PLCL1: variants seen among roughly 807,000 people sequenced by gnomAD.
PLCL1 encodes phospholipase C like 1 (inactive).
In PLCL1, 41 loss-of-function variants were observed where a neutral mutation model predicts 84.4. The observed-to-expected ratio is 0.49, with a 90% CI of 0.38 to 0.63. The LOEUF is 0.63. PLCL1 is among the 30% of genes least tolerant of loss of function. The probability of loss-of-function intolerance (pLI) is 0.00; values close to 1 mark genes in which losing one functional copy is unlikely to be tolerated. For synonymous variants in PLCL1, 490 were observed against 488.3 expected (o/e 1.00, Z -0.05); for missense variants, 1,206 against 1,367.8 (o/e 0.88, Z 1.87).
At chr2:197,910,835 A>G (rs1031308547) in intron 1 of PLCL1, among the ~76,000 whole-genome samples, 1 of 152,204 alleles carries the variant, frequency 6.6e-6, no homozygotes, top group African/African-American at 2.4e-5. Flanking sequence ...TACATTTAGT[A>G]TTTACTTCAA....
intron 3 of PLCL1, among the ~76,000 whole-genome samples, chr2:198,099,469 A>G (rs1693279316): frequency 6.6e-6 from 1 of 152,174 alleles, no homozygotes; most frequent in African/African-American, 2.4e-5. Context: ...TGCAGAAAAT[A>G]GAATAAATTT....
At chr2:198,139,687 G>T (rs1694336931) in intron 5 of PLCL1, among the ~76,000 whole-genome samples, 1 of 152,110 alleles carries the variant, frequency 6.6e-6, no homozygotes, top group East Asian at 1.9e-4. Context: ...TTGTTTCAAA[G>T]GGTTGGTTTT....
intron 1 of PLCL1, among the ~76,000 whole-genome samples, chr2:198,018,484 G>A (rs764917317): frequency 7.2e-5 from 11 of 152,184 alleles, no homozygotes; most frequent in Non-Finnish European, 1.3e-4. Flanking sequence ...CCACTGGCTT[G>A]AAATTCTTGC....
intron 5 of PLCL1, among the ~76,000 whole-genome samples, chr2:198,119,484 A>G (rs979950593): frequency 6.6e-6 from 1 of 151,894 alleles, no homozygotes; most frequent in Non-Finnish European, 1.5e-5. Context: ...AATATCAGGC[A>G]GTTTTGGGAT....
At chr2:197,968,954 C>T (rs1689802481) in intron 1 of PLCL1, among the ~76,000 whole-genome samples, 4 of 152,120 alleles carry the variant, frequency 2.6e-5, no homozygotes, top group South Asian at 4.1e-4. Context: ...GGTTAGGAAC[C>T]GGGCCACACA....
At chr2:197,865,529 C>T (rs1559029166) in intron 1 of PLCL1, among the ~76,000 whole-genome samples, 1 of 152,018 alleles carries the variant, frequency 6.6e-6, no homozygotes, top group Non-Finnish European at 1.5e-5. Flanking sequence ...ACCGATATGG[C>T]CGTGAGAGCA....
At chr2:198,088,775 AT>A (rs1559100921) in intron 2 of PLCL1, 82 bp from the exon 3 acceptor site, 1 of 827,016 alleles carries the variant, frequency 1.2e-6, no homozygotes, top group Non-Finnish European at 2.2e-6. Flanking sequence ...TTAAAAATGA[AT>A]GTACTTTTCT....
intron 1 of PLCL1, among the ~76,000 whole-genome samples, chr2:197,935,664 A>G (rs999494575): frequency 3.9e-5 from 6 of 152,144 alleles, no homozygotes; most frequent in Non-Finnish European, 7.4e-5. Flanking sequence ...ATCGGGTACC[A>G]TGCTTATTAC....
intron 1 of PLCL1, among the ~76,000 whole-genome samples, chr2:197,902,019 A>G (rs145684269): frequency 4.8e-4 from 73 of 152,334 alleles, no homozygotes; most frequent in Middle Eastern, 3.4e-3. Flanking sequence ...AAGAAATCAT[A>G]TAAACCCTCA....
chr2:198,055,233 C>G (rs1410105579), intron 1 of PLCL1, among the ~76,000 whole-genome samples: 1 of 150,240 alleles, frequency 6.7e-6, no homozygotes, highest in Non-Finnish European at 1.5e-5. Context: ...AATGCATAAA[C>G]CAATTGATTT....
chr2:198,034,510 T>C (rs1323114539), intron 1 of PLCL1, among the ~76,000 whole-genome samples: 1 of 152,174 alleles, frequency 6.6e-6, no homozygotes, highest in Non-Finnish European at 1.5e-5. Context: ...ATGAAGGAAA[T>C]GTGGCACATA....
At chr2:198,100,136 G>A (rs977157685) in intron 3 of PLCL1, among the ~76,000 whole-genome samples, 10 of 151,940 alleles carry the variant, frequency 6.6e-5, no homozygotes, top group Admixed American at 2.6e-4. Context: ...ACAGAGAGAA[G>A]AAATAAGTAT....
intron 1 of PLCL1, among the ~76,000 whole-genome samples, chr2:198,040,683 A>G (rs930890165): frequency 5.9e-5 from 9 of 152,196 alleles, no homozygotes; most frequent in Non-Finnish European, 1.2e-4. Context: ...AAAGCTTTCC[A>G]TTCTACAGGC....
chr2:198,050,015 A>G (rs754931006), intron 1 of PLCL1, among the ~76,000 whole-genome samples: 16 of 152,228 alleles, frequency 1.1e-4, no homozygotes, highest in Admixed American at 1.0e-3. Flanking sequence ...GGCTTTGGCA[A>G]GGATAAATGC....
At position 198,025,949 on chromosome 2, in the gene PLCL1, A is replaced by G. The variant is rs186504774; in HGVS notation, c.241-57809A>G. On this transcript the variant is annotated intron_variant, in intron 1 of 5. Transcript: ENST00000428675. ...TGGACCAGAGATTTTGTTCAAAATG[A>G]AAACAACATGCAGTTAATCATATTT... Among the ~76,000 whole-genome samples, 462 of 152,360 alleles carry G rather than the reference A, an allele frequency of 3.0e-3. 2 individuals carry two copies. Among genetic ancestry groups the G allele is most frequent in the Non-Finnish European group, 5.5e-3 (376 of 68,026 alleles).
At chr2:198,071,442 G>A (rs1374048564) in intron 1 of PLCL1, among the ~76,000 whole-genome samples, 1 of 151,632 alleles carries the variant, frequency 6.6e-6, no homozygotes, top group Non-Finnish European at 1.5e-5. Flanking sequence ...CAGAAAAGTT[G>A]TACAAGTTTA....
intron 1 of PLCL1, among the ~76,000 whole-genome samples, chr2:197,835,585 G>C (rs1323589852): frequency 1.3e-5 from 2 of 152,256 alleles, no homozygotes; most frequent in Admixed American, 1.3e-4. Context: ...TGATATGGTA[G>C]GAAAAATTTT....
chr2:197,978,178 A>G (rs1479713913), intron 1 of PLCL1, among the ~76,000 whole-genome samples: 1 of 152,230 alleles, frequency 6.6e-6, no homozygotes, highest in South Asian at 2.1e-4. Flanking sequence ...GCTGATTGAT[A>G]TAAAAAGTTA....
chr2:198,112,689 C>T lies in PLCL1; in HGVS notation c.3105+8753C>T, dbSNP rs141482703. Among the ~76,000 whole-genome samples, 24 of 151,922 alleles carry T rather than the reference C, an allele frequency of 1.6e-4. 1 individual carries two copies. In the East Asian group the frequency reaches 4.3e-3, roughly 27 times the overall value. On this transcript the variant is annotated intron_variant, in intron 5 of 5. Coordinates refer to ENST00000428675, the MANE Select transcript of PLCL1 (RefSeq NM_006226.4). ...TATTTCAATTTTTTTGTCTATTAAA[C>T]GTTTAAAAATAATGTTGGAATTTTG...
Sources: gnomAD v4.1 joint callset for allele counts (sites outside exome capture counted in the v4.1 genomes callset) on GRCh38, gnomAD v4.1.1 for gene constraint, MANE v1.5 for transcripts, NCBI Gene and HGNC (gene_info 2026-07-23, HGNC 2026-07-21) for gene names.